The following NBEA variants were observed in gnomAD, a reference collection of about 807,000 sequenced individuals.
The protein encoded by NBEA is lysosomal-trafficking regulator 2.
A neutral mutation model predicts 343.4 loss-of-function variants in NBEA; 44 were observed. The ratio of observed to expected loss-of-function variants is 0.13; its 90% CI spans 0.10 to 0.16. The LOEUF (loss-of-function observed/expected upper bound fraction) is 0.16. Ranked by LOEUF, NBEA falls within the 10% of genes least tolerant of loss-of-function variation. The pLI, the probability that NBEA is intolerant of heterozygous loss-of-function variation, is 1.00. For synonymous variants in NBEA, 1,175 were observed against 1,238.7 expected (o/e 0.95, Z 1.08); for missense variants, 2,555 against 3,631.3 (o/e 0.70, Z 7.62).
chr13:35,669,535 T>A (rs2085506037), intron 58 of NBEA, among the ~76,000 whole-genome samples: 1 of 152,206 alleles, frequency 6.6e-6, no homozygotes, highest in Non-Finnish European at 1.5e-5. Context: ...CAGACTGTTT[T>A]TAAAGAAGGT....
chr13:35,402,978 A>G (rs909537409), intron 38 of NBEA, among the ~76,000 whole-genome samples: 6 of 152,082 alleles, frequency 3.9e-5, no homozygotes, highest in African/African-American at 1.4e-4. Context: ...CAGTAGTTTC[A>G]TAACTACTTC....
intron 36 of NBEA, among the ~76,000 whole-genome samples, chr13:35,318,326 A>G (rs1225319216): frequency 6.6e-6 from 1 of 152,024 alleles, no homozygotes; most frequent in East Asian, 1.9e-4. Flanking sequence ...GTTGAATTTT[A>G]TCAAAGGTCT....
intron 48 of NBEA, among the ~76,000 whole-genome samples, chr13:35,617,606 C>T (rs753626287): frequency 2.0e-5 from 3 of 152,196 alleles, no homozygotes; most frequent in Non-Finnish European, 4.4e-5. Flanking sequence ...TAAGCATCAA[C>T]GCTACGCAAA....
intron 46 of NBEA, among the ~76,000 whole-genome samples, chr13:35,585,541 G>T (rs2081258180): frequency 6.6e-6 from 1 of 151,758 alleles, no homozygotes. Context: ...TCTTCTACAG[G>T]ATTTTTCTTT....
intron 27 of NBEA, among the ~76,000 whole-genome samples, chr13:35,175,962 T>A (rs539504512): frequency 2.4e-4 from 36 of 152,298 alleles, no homozygotes; most frequent in Admixed American, 2.2e-3. Context: ...AAAATATTTC[T>A]AATCTTAAAA....
intron 51 of NBEA, among the ~76,000 whole-genome samples, chr13:35,649,327 A>G (rs1351995779): frequency 6.6e-6 from 1 of 152,226 alleles, no homozygotes; most frequent in African/African-American, 2.4e-5. Flanking sequence ...GCTGCATTGC[A>G]TAACTGTGTT....
At chr13:35,635,202 A>G (rs1025239148) in intron 49 of NBEA, among the ~76,000 whole-genome samples, 1 of 152,066 alleles carries the variant, frequency 6.6e-6, no homozygotes, top group African/African-American at 2.4e-5. Context: ...CTTTCTATGA[A>G]TCCTTTATTC....
At chr13:35,596,979 T>A (rs930056135) in intron 47 of NBEA, among the ~76,000 whole-genome samples, 3 of 151,916 alleles carry the variant, frequency 2.0e-5, no homozygotes, top group African/African-American at 7.2e-5. Context: ...AACGTCTGGA[T>A]CGGATTTGAT....
At chr13:35,006,714 A>G (rs1472827454) in intron 1 of NBEA, among the ~76,000 whole-genome samples, 1 of 152,130 alleles carries the variant, frequency 6.6e-6, no homozygotes, top group African/African-American at 2.4e-5. Flanking sequence ...ATATATTCCT[A>G]GATATAGAAT....
At chr13:35,354,165 A>G (rs1170175832) in intron 38 of NBEA, among the ~76,000 whole-genome samples, 2 of 152,212 alleles carry the variant, frequency 1.3e-5, no homozygotes, top group Admixed American at 1.3e-4. Flanking sequence ...ACAACTGGGC[A>G]TTATAGCCTA....
At chr13:34,967,525 C>T (rs930001454) in intron 1 of NBEA, among the ~76,000 whole-genome samples, 16 of 151,924 alleles carry the variant, frequency 1.1e-4, no homozygotes, top group African/African-American at 3.9e-4. Flanking sequence ...TTTTTGTCTT[C>T]AAGTAGTAAT....
intron 38 of NBEA, among the ~76,000 whole-genome samples, chr13:35,391,261 C>A (rs1320457647): frequency 6.7e-6 from 1 of 149,540 alleles, no homozygotes; most frequent in African/African-American, 2.5e-5. Flanking sequence ...GGTGACATAG[C>A]CAGACTTGAT....
chr13:35,223,713 T>C (rs906825841), intron 33 of NBEA, among the ~76,000 whole-genome samples: 1 of 152,198 alleles, frequency 6.6e-6, no homozygotes, highest in Admixed American at 6.6e-5. Context: ...TCTTAACATA[T>C]TTCTTCTGCT....
chr13:35,640,011 G>A (rs1593441637), intron 49 of NBEA, among the ~76,000 whole-genome samples: 1 of 149,314 alleles, frequency 6.7e-6, no homozygotes, highest in South Asian at 2.1e-4. Flanking sequence ...AAATGTAAAT[G>A]GGTTAAATCT....
chr13:35,530,095 T>G (rs1197281904), intron 41 of NBEA, among the ~76,000 whole-genome samples: 3 of 152,244 alleles, frequency 2.0e-5, no homozygotes, highest in Non-Finnish European at 4.4e-5. Context: ...TCTGTTTTTC[T>G]GTAATGATGA....
At chr13:35,465,944 A>G (rs75729109) in intron 40 of NBEA, among the ~76,000 whole-genome samples, 5,212 of 152,136 alleles carry the variant, frequency 0.034, 144 homozygotes, top group African/African-American at 0.075. Flanking sequence ...AGTACTTTTT[A>G]AAATTATGTA....
intron 33 of NBEA, among the ~76,000 whole-genome samples, chr13:35,229,840 A>G (rs1016114415): frequency 7.9e-5 from 12 of 152,156 alleles, no homozygotes; most frequent in African/African-American, 2.9e-4. Flanking sequence ...AGCATTTACA[A>G]CCTTCTTTGG....
chr13:35,117,165 A>G (rs1242521610), intron 13 of NBEA, among the ~76,000 whole-genome samples: 1 of 151,956 alleles, frequency 6.6e-6, no homozygotes, highest in Non-Finnish European at 1.5e-5. Context: ...ATATTAATAT[A>G]TAACAACTTT....
chr13:35,517,183 C>T (rs1053055797), intron 41 of NBEA, among the ~76,000 whole-genome samples: 12 of 152,112 alleles, frequency 7.9e-5, no homozygotes, highest in African/African-American at 2.7e-4. Context: ...GCTTCCTTGC[C>T]AAGTCCTCCG....
Sources: gnomAD v4.1 joint callset for allele counts (sites outside exome capture counted in the v4.1 genomes callset) on GRCh38, gnomAD v4.1.1 for gene constraint, MANE v1.5 for transcripts, NCBI Gene and HGNC (gene_info 2026-07-23, HGNC 2026-07-21) for gene names.